LRCH3: variants seen among roughly 807,000 people sequenced by gnomAD.
LRCH3 encodes DISP complex protein LRCH3.
In LRCH3, 68 loss-of-function variants were observed where a neutral mutation model predicts 104.5. That is an observed-to-expected ratio of 0.65 (90% confidence interval 0.54 to 0.80). LRCH3 has a LOEUF of 0.80. Among genes scored for constraint, LRCH3 ranks in the 30% least tolerant of loss-of-function variants. The pLI, the probability that LRCH3 is intolerant of heterozygous loss-of-function variation, is 0.00. For synonymous variants in LRCH3, 344 were observed against 361.3 expected (o/e 0.95, Z 0.54); for missense variants, 951 against 953.9 (o/e 1.00, Z 0.04).
intron 1 of LRCH3, among the ~76,000 whole-genome samples, chr3:197,805,011 C>T (rs886214217): frequency 6.6e-6 from 1 of 152,150 alleles, no homozygotes; most frequent in South Asian, 2.1e-4. Flanking sequence ...TCTCCTGCCT[C>T]AGCCTCCTGA....
chr3:197,864,590 A>G (rs562128114), intron 15 of LRCH3, among the ~76,000 whole-genome samples: 2 of 148,392 alleles, frequency 1.3e-5, no homozygotes, highest in Non-Finnish European at 3.0e-5. Flanking sequence ...AGCCTGGGCA[A>G]TAAGAGCTAA....
intron 1 of LRCH3, among the ~76,000 whole-genome samples, chr3:197,807,666 G>C (rs1359146954): frequency 6.6e-6 from 1 of 152,078 alleles, no homozygotes. Context: ...TTTCCTTTCT[G>C]TGTTCTTTTT....
rs946201297 is a variant in LRCH3, at chr3:197,856,718, G to C, written c.1645-2116G>C. Among the ~76,000 whole-genome samples the C allele has an allele frequency of 6.6e-6, 1 of 152,026 alleles. No homozygotes were observed. Among genetic ancestry groups the C allele is most frequent in the Non-Finnish European group, 1.5e-5 (1 of 68,002 alleles). On this transcript the variant is annotated intron_variant, in intron 14 of 20. Coordinates refer to ENST00000425562, the MANE Select transcript of LRCH3 (RefSeq NM_001365715.1). This position sits in a 1 kb window ranked among gnomAD's most constrained non-coding sequence, Gnocchi z 4.2. ...TTCTTTTATTATCTCTTTTCTGTTG[G>C]ACTACTAGACTATAAGCTTCATGAA...
intron 19 of LRCH3, among the ~76,000 whole-genome samples, chr3:197,873,454 G>C (rs191045630): frequency 6.6e-6 from 1 of 152,122 alleles, no homozygotes; most frequent in Non-Finnish European, 1.5e-5. Flanking sequence ...AGGGAGTGTC[G>C]TGTGGTTCAC....
At chr3:197,805,699 A>C (rs1465745960) in intron 1 of LRCH3, among the ~76,000 whole-genome samples, 1 of 151,332 alleles carries the variant, frequency 6.6e-6, no homozygotes, top group African/African-American at 2.4e-5. Context: ...ACCTAATGAC[A>C]GCCGACATGC....
At chr3:197,845,678 G>A (rs998304015) in intron 10 of LRCH3, among the ~76,000 whole-genome samples, 1 of 152,140 alleles carries the variant, frequency 6.6e-6, no homozygotes, top group African/African-American at 2.4e-5. Flanking sequence ...GCTGAGGTGA[G>A]TGGATCACCT....
Position 197,829,652 on chromosome 3 carries a change from G to T in LRCH3, c.866G>T (p.Arg289Ile), listed in dbSNP as rs770621377. ...IAPDLPDYDR[R>I]PLGFGSCHEE... ...CCAGATCTGCCGGATTATGATAGGAGACCGTTGGGTTTTGGCTCCTGGTAA... is the reference window on the plus strand; with the variant it reads ...CCAGATCTGCCGGATTATGATAGGATACCGTTGGGTTTTGGCTCCTGGTAA... The change falls in exon 6 of 21, where the codon AGA becomes ATA. Residue 289 changes from arginine (R) to isoleucine (I), a missense_variant. By Grantham distance (97) the Arg-to-Ile change is moderately conservative. Coordinates refer to ENST00000425562, the MANE Select transcript of LRCH3 (RefSeq NM_001365715.1). The T allele has an allele frequency of 5.0e-6, 8 of 1,612,618 alleles. No homozygotes were observed. Among genetic ancestry groups the T allele is most frequent in the Non-Finnish European group, 6.8e-6 (8 of 1,179,554 alleles).
chr3:197,826,455 G>T lies in LRCH3; in HGVS notation c.641-423G>T, dbSNP rs1036238962. On this transcript the variant is annotated intron_variant, in intron 4 of 20. Coordinates refer to ENST00000425562, the MANE Select transcript of LRCH3 (RefSeq NM_001365715.1). ...GGATCCCTTAGTTCCGAGCATTTTTGATTCAATTTCACTAGAAAATAACTT... is the reference window on the plus strand; with the variant it reads ...GGATCCCTTAGTTCCGAGCATTTTTTATTCAATTTCACTAGAAAATAACTT... Among the ~76,000 whole-genome samples the T allele has an allele frequency of 2.0e-5, 3 of 152,098 alleles. 1 individual carries two copies.
chr3:197,866,070 T>C, intron 16 of LRCH3, 42 bp from the exon 17 acceptor site: 2 of 1,403,198 alleles, frequency 1.4e-6, no homozygotes, highest in Non-Finnish European at 2.0e-6. Context: ...CTATTATATT[T>C]TCATCTCCTT....
chr3:197,875,564 G>A, intron 19 of LRCH3, 134 bp from the exon 20 acceptor site: 1 of 609,168 alleles, frequency 1.6e-6, no homozygotes, highest in East Asian at 2.9e-5. Context: ...TGAGGTGGGA[G>A]GATCACCTGA....
intron 1 of LRCH3, among the ~76,000 whole-genome samples, chr3:197,801,384 C>T: frequency 6.6e-6 from 1 of 152,060 alleles, no homozygotes; most frequent in South Asian, 2.1e-4. Context: ...ATTGGAAATA[C>T]TCTGTTTCAT....
intron 14 of LRCH3, among the ~76,000 whole-genome samples, chr3:197,855,040 T>C (rs1053057345): frequency 6.6e-6 from 1 of 152,242 alleles, no homozygotes; most frequent in African/African-American, 2.4e-5. Flanking sequence ...TTTAACATCT[T>C]ATTAGCCTTG....
intron 8 of LRCH3, among the ~76,000 whole-genome samples, chr3:197,834,952 T>C (rs1021689285): frequency 6.6e-6 from 1 of 152,040 alleles, no homozygotes. Context: ...GAGACCAGCC[T>C]GGCCAACATG....
intron 18 of LRCH3, 26 bp from the exon 19 acceptor site, chr3:197,871,299 C>CT (rs753237978): frequency 6.4e-6 from 10 of 1,564,280 alleles, no homozygotes; most frequent in African/African-American, 1.4e-5. Context: ...TTCAATTAAT[C>CT]TATTACATGT....
At chr3:197,832,026 C>T (rs1249808844) in intron 7 of LRCH3, among the ~76,000 whole-genome samples, 171 bp from the exon 8 acceptor site, 3 of 152,156 alleles carry the variant, frequency 2.0e-5, no homozygotes, top group South Asian at 2.1e-4. Flanking sequence ...GCGATCGTCT[C>T]GCCTCAACAT....
At chr3:197,847,353 T>C in intron 10 of LRCH3, 56 bp from the exon 11 acceptor site, 1 of 1,452,196 alleles carries the variant, frequency 6.9e-7, no homozygotes, top group South Asian at 1.3e-5. Context: ...TTTTTATGTA[T>C]CTGTTTGTCT....
rs1280091106 is a variant in LRCH3 at position 197,856,769 on chromosome 3, A to G, written c.1645-2065A>G. Among the ~76,000 whole-genome samples the G allele has an allele frequency of 6.6e-6, 1 of 152,208 alleles. No individual in the cohort carries two copies. The highest frequency in any genetic ancestry group is 1.5e-5 in the Non-Finnish European group (1 of 68,028). ...CACAAGGATATTCTATTTTGTCTTA[A>G]TGTACCTTAATACACTCCATCCCTA... On this transcript the variant is annotated intron_variant, in intron 14 of 20. Transcript: ENST00000425562. The surrounding 1 kb of genome is among the most constrained non-coding windows in gnomAD (Gnocchi z 4.2).
chr3:197,854,027 T>C lies in LRCH3; in HGVS notation c.1591-365T>C, dbSNP rs2109426843. On this transcript the variant is annotated intron_variant, in intron 13 of 20. Transcript: ENST00000425562. The surrounding 1 kb of genome is among the most constrained non-coding windows in gnomAD (Gnocchi z 4.5). ...TTGCTTAAGAAAGAAAATGAAGAGA[T>C]ACTTAGACTAGAAATTATGACTCTG... 6.6e-6 allele frequency among the ~76,000 whole-genome samples: 1 copy of C among 152,348 alleles called. No homozygotes were observed. Among genetic ancestry groups the C allele is most frequent in the African/African-American group, 2.4e-5 (1 of 41,586 alleles).
intron 20 of LRCH3, chr3:197,876,045 A>C: frequency 4.1e-6 from 1 of 244,406 alleles, no homozygotes; most frequent in Non-Finnish European, 7.7e-6. Flanking sequence ...CCCACTTGCT[A>C]TTTGACAACT....
Sources: allele counts gnomAD v4.1 joint callset (sites outside exome capture counted in the v4.1 genomes callset), GRCh38; gene constraint gnomAD v4.1.1; non-coding constraint Gnocchi (gnomAD v3.1); transcripts MANE v1.5; gene names NCBI Gene and HGNC (gene_info 2026-07-23, HGNC 2026-07-21).